EXOC4: variants seen among roughly 807,000 people sequenced by gnomAD.
The protein encoded by EXOC4 is SEC8-like 1.
A neutral mutation model predicts 107.2 loss-of-function variants in EXOC4; 71 were observed. That is an observed-to-expected ratio of 0.66 (90% CI 0.55 to 0.81). The LOEUF is 0.81. EXOC4 is among the 30% of genes least tolerant of loss of function. EXOC4 has a pLI of 0.00. For missense variants in EXOC4, 1,108 were observed against 1,189.6 expected (o/e 0.93, Z 1.01); for synonymous variants, 456 against 441.2 (o/e 1.03, Z -0.42).
chr7:133,458,306 G>A (rs1198526308), intron 7 of EXOC4, among the ~76,000 whole-genome samples: 2 of 152,134 alleles, frequency 1.3e-5, no homozygotes, highest in African/African-American at 2.4e-5. Flanking sequence ...GCAAGCCCTC[G>A]CAAATTTTGT....
chr7:133,319,687 G>C (rs1018854350), intron 5 of EXOC4, among the ~76,000 whole-genome samples: 2 of 151,990 alleles, frequency 1.3e-5, no homozygotes, highest in Non-Finnish European at 2.9e-5. Context: ...CACTATGTCA[G>C]CTGGGCTGGT....
chr7:133,510,360 A>G (rs1231299038), intron 9 of EXOC4, among the ~76,000 whole-genome samples: 2 of 152,134 alleles, frequency 1.3e-5, no homozygotes, highest in African/African-American at 2.4e-5. Context: ...TTGTTTATCC[A>G]TTCATCAGTT....
chr7:133,568,947 T>C (rs115930132), intron 9 of EXOC4, among the ~76,000 whole-genome samples: 1,955 of 152,266 alleles, frequency 0.013, 32 homozygotes, highest in African/African-American at 0.045. Context: ...TCAACTGATA[T>C]GATTCACGTT....
intron 7 of EXOC4, among the ~76,000 whole-genome samples, chr7:133,386,591 G>A (rs1440324056): frequency 6.6e-6 from 1 of 152,206 alleles, no homozygotes; most frequent in Non-Finnish European, 1.5e-5. Flanking sequence ...TTGAAGGCTG[G>A]AATATAGAAT....
the EXOC4 span, among the ~76,000 whole-genome samples, chr7:134,078,287 C>T: frequency 2.6e-5 from 4 of 151,448 alleles, no homozygotes; most frequent in East Asian, 1.9e-4. Context: ...AAATCCAACA[C>T]ATAAACAGAA....
In EXOC4 at chr7:133,305,937, C is replaced by G. The variant is rs140852002; in HGVS notation, c.532C>G (p.Arg178Gly). 12 of 1,613,354 alleles carry G rather than the reference C, an allele frequency of 7.4e-6. No individual in the cohort carries two copies. Among genetic ancestry groups the G allele is most frequent in the Non-Finnish European group, 1.0e-5 (12 of 1,179,704 alleles). ...CCAGGTGGAAGGACTGAGTGACCTT[C>G]GACTAGAGCTTCACAGCAAGAAGAT... ...LLQVEGLSDL[R>G]LELHSKKMNL... Residue 178 changes from arginine (R) to glycine (G), a missense_variant, in exon 4 of 18, where the codon CGA (arginine) becomes GGA (glycine). Coordinates refer to ENST00000253861, the MANE Select transcript of EXOC4 (RefSeq NM_021807.4).
chr7:133,834,449 G>A (rs560004711), intron 11 of EXOC4, among the ~76,000 whole-genome samples: 21 of 152,330 alleles, frequency 1.4e-4, no homozygotes, highest in African/African-American at 4.6e-4. Flanking sequence ...TGAGGAAAGG[G>A]TATGGGGCAG....
intron 10 of EXOC4, among the ~76,000 whole-genome samples, chr7:133,647,624 T>C (rs1206164028): frequency 1.3e-5 from 2 of 152,052 alleles, no homozygotes; most frequent in Non-Finnish European, 2.9e-5. Flanking sequence ...TGCCTCCATT[T>C]AAAACCCTTA....
At chr7:133,281,085 G>C (rs142917017) in intron 2 of EXOC4, among the ~76,000 whole-genome samples, 2 of 152,224 alleles carry the variant, frequency 1.3e-5, no homozygotes, top group African/African-American at 4.8e-5. Context: ...CAGAATTTCA[G>C]AACTTAGAGT....
At chr7:133,944,805 G>T (rs2116761275) in intron 14 of EXOC4, among the ~76,000 whole-genome samples, 1 of 152,210 alleles carries the variant, frequency 6.6e-6, no homozygotes, top group South Asian at 2.1e-4. Context: ...AATACCTTGA[G>T]CCACTTGACT....
chr7:133,643,783 A>G (rs1018557480), intron 10 of EXOC4, among the ~76,000 whole-genome samples: 4 of 152,252 alleles, frequency 2.6e-5, no homozygotes, highest in Non-Finnish European at 4.4e-5. Context: ...ATGCAAGTGT[A>G]TACATACACA....
At chr7:133,884,031 G>A (rs1199691321) in intron 11 of EXOC4, among the ~76,000 whole-genome samples, 1 of 152,050 alleles carries the variant, frequency 6.6e-6, no homozygotes, top group African/African-American at 2.4e-5. Context: ...AATATGATAT[G>A]ACAAGTTTTA....
Position 133,736,378 on chromosome 7 carries a change from CT to C in EXOC4, c.1515-80945del, listed in dbSNP as rs1490449137. On this transcript the variant is annotated intron_variant, in intron 10 of 17. Coordinates refer to ENST00000253861, the MANE Select transcript of EXOC4 (RefSeq NM_021807.4). ...TAATCATCTGGGTTGCTTTTAGAAA[CT>C]TCTAATCCTTTGTTTCCATCCTGAA... Among the ~76,000 whole-genome samples, 3 of 152,144 alleles carry C rather than the reference CT, an allele frequency of 2.0e-5. No homozygotes were observed. In the East Asian group the frequency reaches 5.8e-4, roughly 29 times the overall value.
chr7:133,414,128 A>G (rs946842789), intron 7 of EXOC4, among the ~76,000 whole-genome samples: 3 of 152,206 alleles, frequency 2.0e-5, no homozygotes, highest in Admixed American at 6.5e-5. Context: ...ATACAATTCA[A>G]TAAGAAAAAG....
At chr7:133,253,325 A>G in intron 1 of EXOC4, 138 bp downstream of exon 1, 3 of 1,423,822 alleles carry the variant, frequency 2.1e-6, no homozygotes, top group Non-Finnish European at 2.8e-6. Flanking sequence ...CCAGGGCTCT[A>G]ACCCCTCCCC....
intron 7 of EXOC4, among the ~76,000 whole-genome samples, chr7:133,413,789 G>C (rs991713480): frequency 2.6e-5 from 4 of 152,102 alleles, no homozygotes; most frequent in African/African-American, 9.7e-5. Flanking sequence ...AAGCTGCTGA[G>C]AGCTATGTTG....
At chr7:133,338,313 G>T (rs1795568856) in intron 5 of EXOC4, among the ~76,000 whole-genome samples, 1 of 151,460 alleles carries the variant, frequency 6.6e-6, no homozygotes, top group African/African-American at 2.4e-5. Flanking sequence ...TTTTATTTCA[G>T]CCGGGCGCGG....
At chr7:133,953,957 T>A (rs1800752564) in intron 14 of EXOC4, among the ~76,000 whole-genome samples, 1 of 152,214 alleles carries the variant, frequency 6.6e-6, no homozygotes, top group Non-Finnish European at 1.5e-5. Context: ...TGAAGTACTA[T>A]ATGGGAGGAA....
At chr7:133,663,446 A>T (rs925013020) in intron 10 of EXOC4, among the ~76,000 whole-genome samples, 10 of 152,246 alleles carry the variant, frequency 6.6e-5, no homozygotes, top group East Asian at 1.9e-4. Context: ...ACTGAACCCC[A>T]GCCTTAAATG....
Sources: gnomAD v4.1 joint callset for allele counts (sites outside exome capture counted in the v4.1 genomes callset) on GRCh38, gnomAD v4.1.1 for gene constraint, MANE v1.5 for transcripts, NCBI Gene and HGNC (gene_info 2026-07-23, HGNC 2026-07-21) for gene names.